The following RAD23B variants were observed in gnomAD, a reference collection of about 807,000 sequenced individuals.
RAD23B encodes lysine-specific demethylase RAD23B.
In RAD23B, 5 loss-of-function variants were observed where a neutral mutation model predicts 49.1. The observed-to-expected ratio is 0.10, with a 90% confidence interval of 0.05 to 0.21. The LOEUF is 0.21. Among genes scored for constraint, RAD23B ranks in the 10% least tolerant of loss-of-function variants. RAD23B has a pLI of 1.00. For missense variants in RAD23B, 356 were observed against 486.7 expected, an observed-to-expected ratio of 0.73 and a Z score of 2.53; for synonymous variants, 184 against 165.4, an observed-to-expected ratio of 1.11 and a Z score of -0.86.
At chr9:107,285,051 C>G (rs535502726) in intron 1 of RAD23B, 5 of 931,788 alleles carry the variant, frequency 5.4e-6, no homozygotes, top group East Asian at 1.3e-4. Flanking sequence ...TAAGAAACAG[C>G]CTTTTTGGGA....
intron 3 of RAD23B, among the ~76,000 whole-genome samples, chr9:107,304,578 T>C (rs1056597244): frequency 6.6e-6 from 1 of 152,236 alleles, no homozygotes; most frequent in Non-Finnish European, 1.5e-5. Flanking sequence ...TCCTAGTGTC[T>C]TCTTTATTAG....
At chr9:107,293,798 T>C (rs576519452) in intron 1 of RAD23B, among the ~76,000 whole-genome samples, 1 of 152,202 alleles carries the variant, frequency 6.6e-6, no homozygotes, top group Non-Finnish European at 1.5e-5. Context: ...ACTGCTTTTT[T>C]AAAGAGACAG....
At chr9:107,301,174 A>G (rs1397186763) in intron 2 of RAD23B, among the ~76,000 whole-genome samples, 1 of 152,194 alleles carries the variant, frequency 6.6e-6, no homozygotes, top group East Asian at 1.9e-4. Flanking sequence ...TACTTCGTGC[A>G]TTTCTAAGTT....
rs985458665 is a variant in RAD23B at position 107,294,531 on chromosome 9, A to G, written c.67-5610A>G. Among the ~76,000 whole-genome samples the G allele has an allele frequency of 2.6e-5, 4 of 152,224 alleles. No individual in the cohort carries two copies. In the South Asian group the frequency reaches 8.3e-4, roughly 32 times the overall value. The stretch of plus-strand genomic sequence containing the variant: ...GGTGGGCCATATCCTTTCCAAGAGA[A>G]ACCTTGTGCTGAGTTCATACCTCTT... On this transcript the variant is annotated intron_variant, in intron 1 of 9. Transcript: ENST00000358015.
chr9:107,316,362 G>A (rs2133089675), intron 5 of RAD23B, among the ~76,000 whole-genome samples: 1 of 152,300 alleles, frequency 6.6e-6, no homozygotes, highest in East Asian at 1.9e-4. Context: ...TTTTAAAGGA[G>A]TTGAAATTAA....
At chr9:107,285,553 A>C (rs1240432932) in intron 1 of RAD23B, among the ~76,000 whole-genome samples, 6 of 152,214 alleles carry the variant, frequency 3.9e-5, no homozygotes, top group African/African-American at 1.4e-4. Context: ...CACTTTACGC[A>C]TACTGTTAAC....
At chr9:107,284,870 T>C (rs993767357) in intron 1 of RAD23B, 4 of 1,244,824 alleles carry the variant, frequency 3.2e-6, no homozygotes, top group Non-Finnish European at 4.3e-6. Flanking sequence ...ATTCTCTGTA[T>C]AATAGGGATA....
chr9:107,314,121 A>G (rs1308423639), intron 5 of RAD23B, among the ~76,000 whole-genome samples: 4 of 152,230 alleles, frequency 2.6e-5, no homozygotes, highest in African/African-American at 7.2e-5. Flanking sequence ...CAGAGTGGAA[A>G]GCAACTCTCA....
intron 1 of RAD23B, among the ~76,000 whole-genome samples, chr9:107,286,950 C>T (rs1009965377): frequency 4.6e-5 from 7 of 151,988 alleles, no homozygotes; most frequent in African/African-American, 7.3e-5. Context: ...TGGCATGCAC[C>T]TGTAGTCCCA....
At chr9:107,311,658 G>T in intron 4 of RAD23B, 24 bp from the exon 5 acceptor site, 1 of 1,547,454 alleles carries the variant, frequency 6.5e-7, no homozygotes. Flanking sequence ...TTTAAAATGT[G>T]ATTTTTCTAA....
At chr9:107,298,640 T>TA (rs1194099537) in intron 1 of RAD23B, among the ~76,000 whole-genome samples, 1 of 151,464 alleles carries the variant, frequency 6.6e-6, no homozygotes, top group Non-Finnish European at 1.5e-5. Context: ...CCAATGTACT[T>TA]ACATTTATTA....
At chr9:107,312,919 C>T (rs536529899) in intron 5 of RAD23B, among the ~76,000 whole-genome samples, 1 of 152,252 alleles carries the variant, frequency 6.6e-6, no homozygotes, top group South Asian at 2.1e-4. Flanking sequence ...GCCTGGGAGG[C>T]CATGCTGTAG....
At chr9:107,294,661 A>T (rs1826461191) in intron 1 of RAD23B, among the ~76,000 whole-genome samples, 2 of 152,234 alleles carry the variant, frequency 1.3e-5, no homozygotes, top group Non-Finnish European at 2.9e-5. Flanking sequence ...ATTTAGACAC[A>T]GTTCTTCTAC....
At chr9:107,304,115 T>C (rs1826713277) in intron 3 of RAD23B, among the ~76,000 whole-genome samples, 1 of 150,772 alleles carries the variant, frequency 6.6e-6, no homozygotes, top group African/African-American at 2.4e-5. Context: ...ACCTTATTAA[T>C]ACAAAGAAGG....
intron 1 of RAD23B, among the ~76,000 whole-genome samples, chr9:107,290,272 T>A (rs147291022): frequency 2.6e-5 from 4 of 152,218 alleles, no homozygotes; most frequent in Non-Finnish European, 2.9e-5. Context: ...GTCCTTCCAC[T>A]TTTCCACTGT....
rs1282383597 is a variant in RAD23B at position 107,284,733 on chromosome 9, C to CT, written c.66+1039dup. The CT allele has an allele frequency of 8.0e-6, 9 of 1,123,482 alleles. No homozygotes were observed. In the African/African-American group the frequency reaches 1.5e-4, roughly 18 times the overall value. 69.6% of individuals were successfully genotyped at this position (1,123,482 alleles called of 1,614,324 possible). Reference sequence around the variant, plus strand: ...TAAACCAGCAGCTTTCTGCCCAACTCTATTTTTAAAAGTAGTTGATTCTAT... The same window carrying CT: ...TAAACCAGCAGCTTTCTGCCCAACTCTTATTTTTAAAAGTAGTTGATTCTAT... On this transcript the variant is annotated intron_variant, in intron 1 of 9. Coordinates refer to ENST00000358015, the MANE Select transcript of RAD23B (RefSeq NM_002874.5).
At chr9:107,314,229 C>A (rs1481514555) in intron 5 of RAD23B, among the ~76,000 whole-genome samples, 1 of 152,136 alleles carries the variant, frequency 6.6e-6, no homozygotes, top group African/African-American at 2.4e-5. Context: ...ATAGGGAGTA[C>A]AAGTGCAGAT....
chr9:107,283,587 A>G lies in RAD23B; in HGVS notation c.-43A>G, dbSNP rs1421538688. ...AGGCCACAGACCCCGCCCAGCGGCCAGCACCCGGCGCAGGCCCGGCAGCCG... is the reference window on the plus strand; with the variant it reads ...AGGCCACAGACCCCGCCCAGCGGCCGGCACCCGGCGCAGGCCCGGCAGCCG... On this transcript the variant is annotated 5_prime_UTR_variant, in exon 1 of 10. Transcript: ENST00000358015. The G allele has an allele frequency of 1.4e-6, 2 of 1,449,530 alleles. No individual in the cohort carries two copies. The highest frequency in any genetic ancestry group is 2.4e-4 in the Middle Eastern group (1 of 4,230). 89.8% of individuals were successfully genotyped at this position (1,449,530 alleles called of 1,614,324 possible).
At chr9:107,325,942 G>A (rs1827194379) in intron 9 of RAD23B, among the ~76,000 whole-genome samples, 1 of 152,134 alleles carries the variant, frequency 6.6e-6, no homozygotes, top group Non-Finnish European at 1.5e-5. Context: ...TCACGAAAAG[G>A]TGTTGGATTT....
Sources: allele counts gnomAD v4.1 joint callset (sites outside exome capture counted in the v4.1 genomes callset), GRCh38; gene constraint gnomAD v4.1.1; transcripts MANE v1.5; gene names NCBI Gene and HGNC (gene_info 2026-07-23, HGNC 2026-07-21).